The following SCARA3 variants were observed in gnomAD, a reference collection of about 807,000 sequenced individuals.
SCARA3 encodes cellular stress response gene protein.
In SCARA3, 39 loss-of-function variants were observed where a neutral mutation model predicts 47.0. The observed-to-expected ratio is 0.83, with a 90% CI of 0.64 to 1.08. The LOEUF (loss-of-function observed/expected upper bound fraction) is 1.08. SCARA3 is among the 50% of genes least tolerant of loss of function. The pLI is 0.00. For synonymous variants in SCARA3, 356 were observed against 334.1 expected (o/e 1.07, Z -0.71); for missense variants, 724 against 792.3 (o/e 0.91, Z 1.04).
At chr8:27,680,557 A>T (rs189476353), downstream of SCARA3, among the ~76,000 whole-genome samples, 417 of 152,286 alleles carry the variant, frequency 2.7e-3, 7 homozygotes, top group African/African-American at 9.5e-3. Flanking sequence ...ATAGTTTAAA[A>T]TTTTTTCCTA....
the SCARA3 span, among the ~76,000 whole-genome samples, chr8:27,696,904 A>G: frequency 4.6e-5 from 7 of 152,206 alleles, no homozygotes; most frequent in African/African-American, 7.2e-5. Context: ...GAGAATGACT[A>G]TCATTGGGCA....
intron 5 of SCARA3, among the ~76,000 whole-genome samples, chr8:27,667,771 C>G (rs1563412809): frequency 1.3e-5 from 2 of 152,230 alleles, no homozygotes; most frequent in East Asian, 3.8e-4. Flanking sequence ...CTATGGCACG[C>G]CAGCACCGAG....
the SCARA3 span, among the ~76,000 whole-genome samples, chr8:27,686,445 T>TAA: frequency 1.4e-4 from 20 of 147,446 alleles, no homozygotes; most frequent in African/African-American, 4.2e-4. Context: ...CTCTGTCTCT[T>TAA]AAAAAAAAAA....
chr8:27,667,775 C>A (rs1802048017), intron 5 of SCARA3, among the ~76,000 whole-genome samples: 1 of 152,214 alleles, frequency 6.6e-6, no homozygotes, highest in South Asian at 2.1e-4. Flanking sequence ...GGCACGCCAG[C>A]ACCGAGCAGC....
At position 27,671,507 on chromosome 8, in the gene SCARA3, T is replaced by G; in HGVS notation, c.*156T>G. The G allele has an allele frequency of 7.7e-7, 1 of 1,292,412 alleles. No individual in the cohort carries two copies. The highest frequency in any genetic ancestry group is 2.9e-5 in the South Asian group (1 of 34,054). The allele number at this position is 1,292,412 out of a possible 1,614,324, so 80.1% of individuals were successfully genotyped here. On this transcript the variant is annotated 3_prime_UTR_variant, in exon 6 of 6. Coordinates refer to ENST00000301904, the MANE Select transcript of SCARA3 (RefSeq NM_016240.3). Reference sequence around the variant, plus strand: ...CCTGCAGCTTTGGGCTCCCCCATAGTGACTGTGCCATAGGAAAGCAGCCCC... The same window carrying G: ...CCTGCAGCTTTGGGCTCCCCCATAGGGACTGTGCCATAGGAAAGCAGCCCC...
chr8:27,706,670 A>G, the SCARA3 span, among the ~76,000 whole-genome samples: 1 of 152,146 alleles, frequency 6.6e-6, no homozygotes, highest in Non-Finnish European at 1.5e-5. Context: ...AAGGCAGAGA[A>G]GACAAAAGCA....
At chr8:27,727,557 G>A in the SCARA3 span, among the ~76,000 whole-genome samples, 1 of 152,192 alleles carries the variant, frequency 6.6e-6, no homozygotes, top group Non-Finnish European at 1.5e-5. Context: ...ATTCACAGAT[G>A]ATGAGGACTG....
chr8:27,648,868 T>A (rs1239302992), intron 1 of SCARA3, among the ~76,000 whole-genome samples: 1 of 112,772 alleles, frequency 8.9e-6, no homozygotes, highest in Non-Finnish European at 1.8e-5. Flanking sequence ...GGGAGGAAAG[T>A]AGGGAAGGAA....
chr8:27,729,077 CA>C, the SCARA3 span, among the ~76,000 whole-genome samples: 2 of 152,148 alleles, frequency 1.3e-5, no homozygotes, highest in African/African-American at 4.8e-5. Flanking sequence ...ATATATATAA[CA>C]ATTCCTGTAT....
the SCARA3 span, among the ~76,000 whole-genome samples, chr8:27,730,254 G>A: frequency 6.6e-6 from 1 of 152,190 alleles, no homozygotes; most frequent in South Asian, 2.1e-4. Flanking sequence ...CAAGGGTAGG[G>A]ACACCAAGTG....
At chr8:27,670,123 A>G (rs565664) in intron 5 of SCARA3, among the ~76,000 whole-genome samples, 119,019 of 152,098 alleles carry the variant, frequency 0.78, 46,822 homozygotes, top group Non-Finnish European at 0.83. Context: ...GCAGAGCCAG[A>G]CTCACAGGAG....
At position 27,672,824 on chromosome 8, in the gene SCARA3, A is replaced by G. The variant is rs1802199352; in HGVS notation, c.*1473A>G. 1.0e-6 allele frequency: 1 copy of G among 985,670 alleles called. No homozygotes were observed. The highest frequency in any genetic ancestry group is 6.1e-5 in the Admixed American group (1 of 16,286). The allele number at this position is 985,670 out of a possible 1,614,324, so 61.1% of individuals were successfully genotyped here. On this transcript the variant is annotated 3_prime_UTR_variant, in exon 6 of 6. Transcript: ENST00000301904. ...CCTCCACCGCCCGCAAGGTTAGGGC[A>G]TAGAGTTGTCTCCTTCCCAACACGG...
Position 27,634,159 on chromosome 8 carries a change from C to A in SCARA3, c.-42C>A. On this transcript the variant is annotated 5_prime_UTR_variant, in exon 1 of 6. Coordinates refer to ENST00000301904, the MANE Select transcript of SCARA3 (RefSeq NM_016240.3). Reference sequence around the variant, plus strand: ...CGCCCGGCTCCACTACAGCTCCAGCCGCCTGCAGCGGGGCCCTCCTGAGGC... The same window carrying A: ...CGCCCGGCTCCACTACAGCTCCAGCAGCCTGCAGCGGGGCCCTCCTGAGGC... 6.9e-7 allele frequency: 1 copy of A among 1,450,634 alleles called. No homozygotes were observed. Among genetic ancestry groups the A allele is most frequent in the Non-Finnish European group, 9.0e-7 (1 of 1,105,954 alleles). 89.9% of individuals were successfully genotyped at this position (1,450,634 alleles called of 1,614,324 possible).
the SCARA3 span, among the ~76,000 whole-genome samples, chr8:27,691,021 A>G: frequency 6.6e-6 from 1 of 152,158 alleles, no homozygotes; most frequent in Non-Finnish European, 1.5e-5. Context: ...ACTACCTTTG[A>G]AAAGATCCGT....
chr8:27,673,733 C>G (rs35541891), downstream of SCARA3, among the ~76,000 whole-genome samples: 1 of 152,258 alleles, frequency 6.6e-6, no homozygotes, highest in Non-Finnish European at 1.5e-5. Flanking sequence ...CCATAAACAT[C>G]AGCCATTGTC....
chr8:27,658,425 A>G (rs571458569), intron 4 of SCARA3, 71 bp from the exon 5 acceptor site: 23 of 1,385,488 alleles, frequency 1.7e-5, no homozygotes, highest in Admixed American at 2.3e-5. Flanking sequence ...GCTCTGAAAT[A>G]TTTAATTTAA....
chr8:27,699,916 A>G, the SCARA3 span, among the ~76,000 whole-genome samples: 1 of 152,250 alleles, frequency 6.6e-6, no homozygotes, highest in Non-Finnish European at 1.5e-5. Context: ...ATATATATCA[A>G]TTGATTTTCC....
At chr8:27,694,418 A>G in the SCARA3 span, among the ~76,000 whole-genome samples, 2 of 139,412 alleles carry the variant, frequency 1.4e-5, no homozygotes, top group East Asian at 2.2e-4. Flanking sequence ...GCTCATGTAT[A>G]TACAAACTGA....
In SCARA3 at chr8:27,656,780, A is replaced by G. The variant is rs553793773; in HGVS notation, c.227-2A>G. On this transcript the variant is annotated splice_acceptor_variant, in intron 3 of 5. Transcript: ENST00000301904. LOFTEE classifies it high-confidence loss of function. The stretch of plus-strand genomic sequence containing the variant: ...CCAGCTTCTCATCTGTTTTCCCTAC[A>G]GTTTTCAGAAAAGTGGACTCTCTCT... 13 of 1,588,098 alleles carry G rather than the reference A, an allele frequency of 8.2e-6. No individual in the cohort carries two copies. The Admixed American group carries it at 8.3e-5, about 10-fold the overall frequency.
Sources: allele counts gnomAD v4.1 joint callset (sites outside exome capture counted in the v4.1 genomes callset), GRCh38; gene constraint gnomAD v4.1.1; transcripts MANE v1.5; gene names NCBI Gene and HGNC (gene_info 2026-07-23, HGNC 2026-07-21).